The following KANK1 variants were observed in gnomAD, a reference collection of about 807,000 sequenced individuals.
The protein encoded by KANK1 is KN motif and ankyrin repeat domains 1.
A neutral mutation model predicts 106.2 loss-of-function variants in KANK1; 109 were observed. The ratio of observed to expected loss-of-function variants is 1.03; its 90% CI spans 0.88 to 1.20. The LOEUF is 1.20. Among genes scored for constraint, KANK1 ranks in the 50% most tolerant of loss-of-function variants. KANK1 has a pLI of 0.00. For missense variants in KANK1, 2,399 were observed against 1,710.7 expected (o/e 1.40, Z -7.10); for synonymous variants, 873 against 652.2 (o/e 1.34, Z -5.16).
intron 2 of KANK1, among the ~76,000 whole-genome samples, chr9:680,547 C>G (rs1588864624): frequency 6.6e-6 from 1 of 152,054 alleles, no homozygotes; most frequent in African/African-American, 2.4e-5. Flanking sequence ...AGAAATAAAC[C>G]TTATTAATAT....
At chr9:710,755 C>T (rs747863002) in intron 2 of KANK1, 49 bp from the exon 3 acceptor site, 8 of 1,495,578 alleles carry the variant, frequency 5.3e-6, no homozygotes, top group Admixed American at 4.5e-5. Context: ...TAGTTTTTAC[C>T]ATTAGGTGTA....
intron 1 of KANK1, among the ~76,000 whole-genome samples, chr9:570,830 T>C (rs1172223575): frequency 6.6e-6 from 1 of 152,224 alleles, no homozygotes; most frequent in Non-Finnish European, 1.5e-5. Flanking sequence ...TGAGACTTTC[T>C]AAACATGCTT....
chr9:572,145 C>T (rs954491988), intron 1 of KANK1, among the ~76,000 whole-genome samples: 4 of 130,740 alleles, frequency 3.1e-5, no homozygotes, highest in Non-Finnish European at 1.6e-5. Flanking sequence ...TTGTAATAAA[C>T]AGTGATTTTT....
At chr9:543,880 A>G (rs571562882) in intron 1 of KANK1, among the ~76,000 whole-genome samples, 25 of 152,298 alleles carry the variant, frequency 1.6e-4, no homozygotes, top group Admixed American at 7.8e-4. Context: ...GGGCTTCTCT[A>G]TTAGGAGGCT....
chr9:724,880 A>G (rs1830274425), intron 3 of KANK1, among the ~76,000 whole-genome samples: 2 of 152,226 alleles, frequency 1.3e-5, no homozygotes, highest in South Asian at 2.1e-4. Flanking sequence ...TTTCTAAGTA[A>G]TGATGAATGG....
intron 1 of KANK1, among the ~76,000 whole-genome samples, chr9:658,366 T>A (rs1842588259): frequency 6.6e-6 from 1 of 152,156 alleles, no homozygotes; most frequent in African/African-American, 2.4e-5. Flanking sequence ...ACCTAGCCTC[T>A]GCTTACCTCT....
At chr9:729,147 G>A (rs1316696470) in intron 3 of KANK1, among the ~76,000 whole-genome samples, 1 of 152,124 alleles carries the variant, frequency 6.6e-6, no homozygotes, top group Non-Finnish European at 1.5e-5. Context: ...AATTGCTTCG[G>A]TCAGTATACA....
intron 1 of KANK1, among the ~76,000 whole-genome samples, chr9:632,916 A>C (rs965502866): frequency 6.6e-6 from 1 of 151,270 alleles, no homozygotes; most frequent in Non-Finnish European, 1.5e-5. Flanking sequence ...CTGGTCTGGA[A>C]CTCCTGACCT....
intron 1 of KANK1, among the ~76,000 whole-genome samples, chr9:666,095 C>T (rs190142361): frequency 1.2e-3 from 177 of 151,078 alleles, no homozygotes; most frequent in African/African-American, 4.1e-3. Context: ...GTCAGAGGAT[C>T]GCTTGAGACC....
intron 8 of KANK1, 36 bp downstream of exon 8, chr9:738,540 C>T (rs1444698830): frequency 2.0e-6 from 3 of 1,532,688 alleles, no homozygotes; most frequent in Non-Finnish European, 2.7e-6. Context: ...TCTTCTCTAA[C>T]AGTACTTGGG....
chr9:703,863 C>T (rs1194755942), intron 2 of KANK1, among the ~76,000 whole-genome samples: 2 of 152,018 alleles, frequency 1.3e-5, no homozygotes, highest in East Asian at 3.9e-4. Context: ...AGGTGCACAC[C>T]ACCATGCCCA....
At chr9:651,483 G>T (rs1382911711) in intron 1 of KANK1, among the ~76,000 whole-genome samples, 1 of 152,158 alleles carries the variant, frequency 6.6e-6, no homozygotes, top group Non-Finnish European at 1.5e-5. Flanking sequence ...CTAAGCATCT[G>T]CATGTGTTGG....
intron 3 of KANK1, among the ~76,000 whole-genome samples, chr9:714,845 A>G (rs760621074): frequency 3.3e-4 from 51 of 152,314 alleles, no homozygotes; most frequent in Middle Eastern, 3.4e-3. Flanking sequence ...TGCCTCTCAC[A>G]GTGTATAACA....
chr9:665,116 G>C lies in KANK1; in HGVS notation c.-83-11774G>C, dbSNP rs189203611. Among the ~76,000 whole-genome samples the C allele has an allele frequency of 2.9e-3, 443 of 152,262 alleles. 1 individual carries two copies. Among genetic ancestry groups the C allele is most frequent in the Middle Eastern group, 0.01 (3 of 294 alleles). Reference sequence around the variant, plus strand: ...AATACTTTCTCTCATTCTATGGGTTGTTTCTTCACCTTGTTTGAGTGTTTC... The same window carrying C: ...AATACTTTCTCTCATTCTATGGGTTCTTTCTTCACCTTGTTTGAGTGTTTC... On this transcript the variant is annotated intron_variant, in intron 1 of 11. Transcript: ENST00000382297.
At chr9:736,845 T>C (rs1833930496) in intron 7 of KANK1, among the ~76,000 whole-genome samples, 1 of 152,226 alleles carries the variant, frequency 6.6e-6, no homozygotes, top group African/African-American at 2.4e-5. Flanking sequence ...CCATCAGGTT[T>C]AACCTAAACT....
chr9:659,560 T>A (rs1455320122), intron 1 of KANK1, among the ~76,000 whole-genome samples: 1 of 152,134 alleles, frequency 6.6e-6, no homozygotes, highest in Non-Finnish European at 1.5e-5. Context: ...GACTGGGTAA[T>A]TTATAAAGAA....
At chr9:668,323 C>T (rs576266352) in intron 1 of KANK1, among the ~76,000 whole-genome samples, 80 of 150,286 alleles carry the variant, frequency 5.3e-4, no homozygotes, top group African/African-American at 1.9e-3. Context: ...GGGTATTTGA[C>T]GTCCTCCACT....
At chr9:548,937 A>G (rs2061102043) in intron 1 of KANK1, among the ~76,000 whole-genome samples, 1 of 152,114 alleles carries the variant, frequency 6.6e-6, no homozygotes, top group South Asian at 2.1e-4. Context: ...AAAATAAGAG[A>G]GGGGGACAAT....
intron 1 of KANK1, among the ~76,000 whole-genome samples, chr9:654,920 A>G (rs1163217279): frequency 6.6e-6 from 1 of 152,112 alleles, no homozygotes; most frequent in Non-Finnish European, 1.5e-5. Flanking sequence ...GATGCTGCTG[A>G]TCTCGGAACA....
Sources: allele counts gnomAD v4.1 joint callset (sites outside exome capture counted in the v4.1 genomes callset), GRCh38; gene constraint gnomAD v4.1.1; transcripts MANE v1.5; gene names NCBI Gene and HGNC (gene_info 2026-07-23, HGNC 2026-07-21).